DLGAP1: variants seen among roughly 807,000 people sequenced by gnomAD.
The protein encoded by DLGAP1 is disks large-associated protein 1.
In DLGAP1, 11 loss-of-function variants were observed where a neutral mutation model predicts 90.8. The observed-to-expected ratio is 0.12, with a 90% CI of 0.08 to 0.20. DLGAP1 has a LOEUF of 0.20. Among genes scored for constraint, DLGAP1 ranks in the 10% least tolerant of loss-of-function variants. DLGAP1 has a pLI of 1.00. For synonymous variants in DLGAP1, 558 were observed against 540.7 expected (o/e 1.03, Z -0.44); for missense variants, 1,050 against 1,333.8 (o/e 0.79, Z 3.31).
chr18:3,543,406 C>A (rs2052818613), intron 9 of DLGAP1, among the ~76,000 whole-genome samples: 2 of 152,100 alleles, frequency 1.3e-5, no homozygotes, highest in South Asian at 4.1e-4. Context: ...ACCTCGTGAT[C>A]CACCCACCTC....
chr18:4,223,140 C>T (rs513008), intron 1 of DLGAP1, among the ~76,000 whole-genome samples: 6,112 of 151,966 alleles, frequency 0.04, 424 homozygotes, highest in African/African-American at 0.14. Flanking sequence ...TCTTTTTAAA[C>T]GGTGTGTGAA....
chr18:3,943,203 G>A (rs1415213914), intron 3 of DLGAP1, among the ~76,000 whole-genome samples: 2 of 151,960 alleles, frequency 1.3e-5, no homozygotes, highest in Non-Finnish European at 2.9e-5. Context: ...GAATCTGCAC[G>A]CCTCTGTCAT....
intron 8 of DLGAP1, among the ~76,000 whole-genome samples, chr18:3,574,597 C>T (rs1230538134): frequency 2.6e-5 from 4 of 151,952 alleles, no homozygotes; most frequent in South Asian, 2.1e-4. Context: ...AAATGATCTC[C>T]GTAAGGTTCA....
At chr18:4,447,222 C>T (rs1028804444) in intron 1 of DLGAP1, among the ~76,000 whole-genome samples, 1 of 151,980 alleles carries the variant, frequency 6.6e-6, no homozygotes, top group African/African-American at 2.4e-5. Context: ...ATGTTCACAT[C>T]AGCCTTATTT....
chr18:4,057,877 C>A (rs774860149), intron 2 of DLGAP1, among the ~76,000 whole-genome samples: 1 of 152,162 alleles, frequency 6.6e-6, no homozygotes, highest in Non-Finnish European at 1.5e-5. Flanking sequence ...TGATTTTCTC[C>A]TCCCCTTTCA....
At chr18:3,620,457 C>G (rs906829963) in intron 7 of DLGAP1, among the ~76,000 whole-genome samples, 3 of 152,084 alleles carry the variant, frequency 2.0e-5, no homozygotes, top group Non-Finnish European at 4.4e-5. Flanking sequence ...TAAAGCCACT[C>G]CGCTTGTGGG....
chr18:3,605,290 C>T (rs147196830), intron 7 of DLGAP1, among the ~76,000 whole-genome samples: 5 of 152,330 alleles, frequency 3.3e-5, no homozygotes, highest in African/African-American at 1.2e-4. Flanking sequence ...TCCAAGAAGA[C>T]GTCAGGAATG....
chr18:3,959,175 T>G (rs924303524), intron 3 of DLGAP1, among the ~76,000 whole-genome samples: 1 of 149,462 alleles, frequency 6.7e-6, no homozygotes, highest in Non-Finnish European at 1.5e-5. Context: ...ATCGCCTCAG[T>G]TTTTTTTTTG....
At chr18:4,382,551 T>G (rs2082149596) in intron 1 of DLGAP1, among the ~76,000 whole-genome samples, 1 of 151,930 alleles carries the variant, frequency 6.6e-6, no homozygotes, top group Admixed American at 6.6e-5. Flanking sequence ...TTCCTTACTC[T>G]GTAACTAATA....
chr18:4,023,991 C>T (rs1186655160), intron 2 of DLGAP1, among the ~76,000 whole-genome samples: 1 of 152,112 alleles, frequency 6.6e-6, no homozygotes, highest in Non-Finnish European at 1.5e-5. Flanking sequence ...TTCTTCCCCT[C>T]TCTCATTGGC....
intron 1 of DLGAP1, among the ~76,000 whole-genome samples, chr18:4,241,473 A>G (rs767425563): frequency 6.6e-5 from 10 of 152,236 alleles, no homozygotes; most frequent in South Asian, 2.1e-4. Flanking sequence ...CCATAAAGTA[A>G]CATCAAAGCT....
chr18:4,047,461 T>C (rs2075071055), intron 2 of DLGAP1, among the ~76,000 whole-genome samples: 1 of 152,222 alleles, frequency 6.6e-6, no homozygotes, highest in African/African-American at 2.4e-5. Context: ...CCAATAGTAA[T>C]AAATGGATAC....
chr18:3,525,912 C>T (rs1265736380), intron 10 of DLGAP1, among the ~76,000 whole-genome samples: 11 of 152,162 alleles, frequency 7.2e-5, no homozygotes, highest in Non-Finnish European at 1.0e-4. Flanking sequence ...GGAGACACCA[C>T]CCTCAAGAAG....
chr18:4,368,829 A>G (rs552500834), intron 1 of DLGAP1, among the ~76,000 whole-genome samples: 1 of 152,128 alleles, frequency 6.6e-6, no homozygotes, highest in East Asian at 1.9e-4. Context: ...AAATTATTAA[A>G]ATTCATGGTT....
At chr18:4,368,730 ATATT>A (rs1158562893) in intron 1 of DLGAP1, among the ~76,000 whole-genome samples, 1 of 151,132 alleles carries the variant, frequency 6.6e-6, no homozygotes, top group Non-Finnish European at 1.5e-5. Context: ...CTGTAGATTT[ATATT>A]TTTTTCTAAT....
intron 2 of DLGAP1, among the ~76,000 whole-genome samples, chr18:4,026,335 T>C (rs2074698678): frequency 6.6e-6 from 1 of 152,210 alleles, no homozygotes; most frequent in Non-Finnish European, 1.5e-5. Context: ...TAAAATGCCA[T>C]TCTGAGCGGG....
chr18:4,010,925 C>T (rs1357691304), intron 2 of DLGAP1, among the ~76,000 whole-genome samples: 1 of 151,810 alleles, frequency 6.6e-6, no homozygotes, highest in Non-Finnish European at 1.5e-5. Context: ...CCTGTAATCC[C>T]AGCACTTTGG....
intron 1 of DLGAP1, among the ~76,000 whole-genome samples, chr18:4,284,069 G>A (rs1174403429): frequency 1.3e-5 from 2 of 151,972 alleles, no homozygotes; most frequent in African/African-American, 4.8e-5. Flanking sequence ...CTGAGGAGGT[G>A]GAGGGGGGAG....
chr18:3,543,651 C>A (rs2052837544), intron 9 of DLGAP1, among the ~76,000 whole-genome samples: 1 of 152,108 alleles, frequency 6.6e-6, no homozygotes, highest in South Asian at 2.1e-4. Context: ...AAAAACCTGG[C>A]AAAATATATG....
Sources: gnomAD v4.1 joint callset for allele counts (sites outside exome capture counted in the v4.1 genomes callset) on GRCh38, gnomAD v4.1.1 for gene constraint, MANE v1.5 for transcripts, NCBI Gene and HGNC (gene_info 2026-07-23, HGNC 2026-07-21) for gene names.